FOXN4: variants seen among roughly 807,000 people sequenced by gnomAD.
The protein encoded by FOXN4 is forkhead box N4.
A neutral mutation model predicts 45.0 loss-of-function variants in FOXN4; 12 were observed. The observed-to-expected ratio is 0.27, with a 90% confidence interval of 0.17 to 0.43. FOXN4 has a LOEUF of 0.43. FOXN4 is among the 20% of genes least tolerant of loss of function. The pLI, the probability that FOXN4 is intolerant of heterozygous loss-of-function variation, is 1.00. For synonymous variants in FOXN4, 297 were observed against 295.0 expected (o/e 1.01, Z -0.07); for missense variants, 560 against 694.9 (o/e 0.81, Z 2.18).
In FOXN4 at chr12:109,281,696, G is replaced by C; in HGVS notation, c.1005C>G (p.Ala335=). ...APVLTHATTV[A]VAHGCLAVSQ... ...AGACAGCCAGGCAGCCATGCGCCAC[G>C]GCCACTGTGGTGGCGTGAGTCAGCA... The change falls in exon 9 of 10, where the codon GCC becomes GCG. Residue 335 remains alanine, a synonymous_variant. Coordinates refer to ENST00000299162, the MANE Select transcript of FOXN4 (RefSeq NM_213596.3). 1 of 1,610,946 alleles carries C rather than the reference G, an allele frequency of 6.2e-7. No homozygotes were observed. The highest frequency in any genetic ancestry group is 8.5e-7 in the Non-Finnish European group (1 of 1,179,028).
chr12:109,280,927 A>C (rs2047646427), intron 9 of FOXN4, among the ~76,000 whole-genome samples: 1 of 152,100 alleles, frequency 6.6e-6, no homozygotes, highest in Non-Finnish European at 1.5e-5. Flanking sequence ...ACTGATGAAA[A>C]CTTTGGGGTC....
At chr12:109,295,649 G>A (rs1458898166) in intron 2 of FOXN4, among the ~76,000 whole-genome samples, 1 of 152,250 alleles carries the variant, frequency 6.6e-6, no homozygotes, top group Non-Finnish European at 1.5e-5. Flanking sequence ...AGCTGGGCAC[G>A]GCGGCGTGCG....
rs558631217 is a variant in FOXN4 at position 109,295,702 on chromosome 12, C to T, written c.87-5416G>A. Reference sequence around the variant, plus strand: ...TCGGGAGGCTGAGGCAGGAGAATTGCTTGAACCTAGGAGGCGGAGGTTGCA... The same window carrying T: ...TCGGGAGGCTGAGGCAGGAGAATTGTTTGAACCTAGGAGGCGGAGGTTGCA... On this transcript the variant is annotated intron_variant, in intron 2 of 9. Transcript: ENST00000299162. Among the ~76,000 whole-genome samples the T allele has an allele frequency of 1.2e-3, 184 of 152,334 alleles. 2 individuals are homozygous for T. The highest frequency in any genetic ancestry group is 2.3e-3 in the Non-Finnish European group (155 of 68,010).
chr12:109,296,688 T>G (rs1042489531), intron 2 of FOXN4, among the ~76,000 whole-genome samples: 4 of 152,062 alleles, frequency 2.6e-5, no homozygotes, highest in African/African-American at 9.7e-5. Flanking sequence ...GCAAGGACCC[T>G]CATGCCCCCA....
chr12:109,284,084 T>C (rs1165076816), intron 8 of FOXN4, among the ~76,000 whole-genome samples: 1 of 152,262 alleles, frequency 6.6e-6, no homozygotes, highest in Non-Finnish European at 1.5e-5. Context: ...ATCCATTATA[T>C]ACGAAGCTCT....
intron 2 of FOXN4, among the ~76,000 whole-genome samples, chr12:109,306,169 G>A (rs1032214951): frequency 2.6e-5 from 4 of 151,990 alleles, no homozygotes; most frequent in East Asian, 3.9e-4. Context: ...CGTCTCTTGC[G>A]GGAAGCTGGA....
chr12:109,302,432 A>C (rs943050030), intron 2 of FOXN4, among the ~76,000 whole-genome samples: 5 of 152,188 alleles, frequency 3.3e-5, no homozygotes, highest in Admixed American at 6.5e-5. Context: ...TTGATACAGC[A>C]ATTGTACAGA....
chr12:109,293,971 TA>T (rs1327834157), intron 2 of FOXN4, among the ~76,000 whole-genome samples: 2 of 152,144 alleles, frequency 1.3e-5, no homozygotes, highest in Non-Finnish European at 2.9e-5. Flanking sequence ...GCCAGCCCAG[TA>T]AAAGCAAAAT....
At position 109,287,356 on chromosome 12, in the gene FOXN4, G is replaced by A. The variant is rs1257966728; in HGVS notation, c.596+41C>T. ...AGGGCAGCCTCATCCCTCTCTCCCG[G>A]AGCCGCCCTTGGCCCTGACCCGGCC... is the stretch of plus-strand genomic sequence containing the variant. On this transcript the variant is annotated intron_variant, in intron 6 of 9. Transcript: ENST00000299162. The surrounding 1 kb of genome is among the most constrained non-coding windows in gnomAD (Gnocchi z 4.1). The A allele has an allele frequency of 6.4e-7, 1 of 1,550,448 alleles. No individual in the cohort carries two copies. The highest frequency in any genetic ancestry group is 8.7e-7 in the Non-Finnish European group (1 of 1,146,548).
chr12:109,293,018 G>A (rs895066170), intron 2 of FOXN4, among the ~76,000 whole-genome samples: 12 of 151,804 alleles, frequency 7.9e-5, no homozygotes, highest in South Asian at 6.3e-4. Context: ...GCAGCCCCCC[G>A]CAGGCCCAGG....
intron 2 of FOXN4, among the ~76,000 whole-genome samples, chr12:109,292,067 C>A (rs914391890): frequency 1.3e-5 from 2 of 152,220 alleles, no homozygotes; most frequent in African/African-American, 4.8e-5. Flanking sequence ...GGGTGAGGTG[C>A]AGGGGCAGGG....
chr12:109,289,679 T>C (rs1490977599), intron 3 of FOXN4, among the ~76,000 whole-genome samples: 1 of 152,214 alleles, frequency 6.6e-6, no homozygotes, highest in East Asian at 1.9e-4. Context: ...ACATTATCTC[T>C]TGGAATCCTC....
intron 9 of FOXN4, among the ~76,000 whole-genome samples, chr12:109,280,702 G>C (rs2047644733): frequency 6.6e-6 from 1 of 152,208 alleles, no homozygotes; most frequent in African/African-American, 2.4e-5. Flanking sequence ...CCTCGCTAGA[G>C]ACAGAACTCA....
chr12:109,304,221 G>GAGAGAGAA (rs1268751098), intron 2 of FOXN4, among the ~76,000 whole-genome samples: 13 of 82,532 alleles, frequency 1.6e-4, no homozygotes, highest in African/African-American at 5.5e-4. Context: ...AGAAAAGAAA[G>GAGAGAGAA]AGAAAGAAAG....
At chr12:109,281,086 C>T (rs2047647700) in intron 9 of FOXN4, among the ~76,000 whole-genome samples, 1 of 152,164 alleles carries the variant, frequency 6.6e-6, no homozygotes, top group African/African-American at 2.4e-5. Context: ...AATGCTTTGG[C>T]CCGGTATACA....
At chr12:109,286,917 C>T (rs2047718210) in intron 6 of FOXN4, 173 bp from the exon 7 acceptor site, 2 of 1,417,506 alleles carry the variant, frequency 1.4e-6, no homozygotes, top group Non-Finnish European at 1.8e-6. Flanking sequence ...GATGTCTTTC[C>T]CACCCTTTGC....
chr12:109,284,454 C>T (rs1415322884), intron 8 of FOXN4, among the ~76,000 whole-genome samples: 2 of 152,024 alleles, frequency 1.3e-5, no homozygotes, highest in East Asian at 1.9e-4. Flanking sequence ...CATATGTGTG[C>T]GTGCATGTGT....
Position 109,278,786 on chromosome 12 carries a change from T to G in FOXN4, c.*885A>C, listed in dbSNP as rs1169863018. On this transcript the variant is annotated 3_prime_UTR_variant, in exon 10 of 10. Transcript: ENST00000299162. ...TGAACAGGTAGAAAAATATCTGGTC[T>G]CTAATACGGAAAAAATGGGATGTTT... 2 of 152,082 alleles carry G rather than the reference T, an allele frequency of 1.3e-5. No homozygotes were observed. The highest frequency in any genetic ancestry group is 4.8e-5 in the African/African-American group (2 of 41,382). The allele number at this position is 152,082 out of a possible 1,614,324, so 9.4% of individuals were successfully genotyped here. A position where few individuals can be genotyped will look rare whatever the true frequency, so the allele number is the denominator to read the frequency against.
At chr12:109,292,417 T>C (rs548875114) in intron 2 of FOXN4, among the ~76,000 whole-genome samples, 3 of 152,284 alleles carry the variant, frequency 2.0e-5, no homozygotes, top group African/African-American at 7.2e-5. Flanking sequence ...GGTGGTTAAA[T>C]GCTTGGGCTC....
Sources: gnomAD v4.1 joint callset for allele counts (sites outside exome capture counted in the v4.1 genomes callset) on GRCh38, gnomAD v4.1.1 for gene constraint, Gnocchi (gnomAD v3.1) non-coding constraint, MANE v1.5 for transcripts, NCBI Gene and HGNC (gene_info 2026-07-23, HGNC 2026-07-21) for gene names.